The following PCDHA2 variants were observed in gnomAD, a reference collection of about 807,000 sequenced individuals.
PCDHA2 encodes the protein protocadherin alpha 2.
PCDHA2 carries 58 observed loss-of-function variants against 66.0 expected under a neutral mutation model. The observed-to-expected ratio is 0.88, with a 90% CI of 0.71 to 1.09. PCDHA2 has a LOEUF of 1.09. Ranked by LOEUF, PCDHA2 falls within the 50% of genes least tolerant of loss-of-function variation. PCDHA2 has a pLI of 0.00. For missense variants in PCDHA2, 1,267 were observed against 1,242.3 expected (o/e 1.02, Z -0.30); for synonymous variants, 634 against 554.0 (o/e 1.14, Z -2.03).
At chr5:140,803,189 T>G (rs1763140498) in intron 1 of PCDHA2, 3 of 1,613,804 alleles carry the variant, frequency 1.9e-6, no homozygotes, top group Admixed American at 1.7e-5. Flanking sequence ...CCACGGCCAC[T>G]GTGCTGGTGT....
At chr5:140,809,730 G>C in intron 1 of PCDHA2, 1 of 776,104 alleles carries the variant, frequency 1.3e-6, no homozygotes, top group Non-Finnish European at 2.0e-6. Context: ...TAGGACATCA[G>C]AGCAATATAT....
At chr5:140,956,156 T>C (rs1467785699) in intron 1 of PCDHA2, among the ~76,000 whole-genome samples, 1 of 152,204 alleles carries the variant, frequency 6.6e-6, no homozygotes, top group Non-Finnish European at 1.5e-5. Flanking sequence ...TCTTTCCTAA[T>C]TGCCATAGCC....
At chr5:140,915,273 A>C (rs2077054431) in intron 1 of PCDHA2, among the ~76,000 whole-genome samples, 1 of 152,090 alleles carries the variant, frequency 6.6e-6, no homozygotes, top group South Asian at 2.1e-4. Flanking sequence ...TGACCAGTTC[A>C]TCATTTACTC....
At chr5:140,997,251 G>T (rs1217959179) in intron 3 of PCDHA2, among the ~76,000 whole-genome samples, 2 of 152,060 alleles carry the variant, frequency 1.3e-5, no homozygotes, top group Non-Finnish European at 2.9e-5. Context: ...TTACTTTAGG[G>T]TTCACTCTTC....
Position 140,917,327 on chromosome 5 carries a change from G to A in PCDHA2, c.2389-61622G>A, listed in dbSNP as rs1219338384. ...TTACAATTTGGTGTTCATGTGGCGG[G>A]GGAGGGGGGGGATGGTGTAGGCTTC... On this transcript the variant is annotated intron_variant, in intron 1 of 3. Coordinates refer to ENST00000526136, the MANE Select transcript of PCDHA2 (RefSeq NM_018905.3). Among the ~76,000 whole-genome samples, 73 of 149,528 alleles carry A rather than the reference G, an allele frequency of 4.9e-4. 3 individuals carry two copies. Among genetic ancestry groups the A allele is most frequent in the African/African-American group, 1.3e-3 (54 of 40,384 alleles).
intron 1 of PCDHA2, among the ~76,000 whole-genome samples, chr5:140,798,936 C>T (rs988310121): frequency 1.3e-5 from 2 of 152,096 alleles, no homozygotes; most frequent in Non-Finnish European, 1.5e-5. Context: ...AAATAACTTC[C>T]ACTAGTGATC....
At chr5:140,903,614 T>C (rs1583498055) in intron 1 of PCDHA2, among the ~76,000 whole-genome samples, 1 of 152,204 alleles carries the variant, frequency 6.6e-6, no homozygotes, top group Non-Finnish European at 1.5e-5. Flanking sequence ...TACACATGAA[T>C]GTGCATGCAT....
intron 1 of PCDHA2, chr5:140,868,473 C>T (rs1740794532): frequency 6.6e-6 from 1 of 152,126 alleles, no homozygotes; most frequent in Non-Finnish European, 1.5e-5. Flanking sequence ...TTTTATAAAA[C>T]TTCAATTTTT....
chr5:140,984,164 A>G (rs1471799520), intron 3 of PCDHA2, among the ~76,000 whole-genome samples: 1 of 152,208 alleles, frequency 6.6e-6, no homozygotes, highest in Non-Finnish European at 1.5e-5. Context: ...GAACTTCCCA[A>G]AGAAGCCACG....
intron 3 of PCDHA2, among the ~76,000 whole-genome samples, chr5:140,984,938 G>A (rs1355399601): frequency 2.0e-5 from 3 of 151,924 alleles, no homozygotes; most frequent in Non-Finnish European, 2.9e-5. Flanking sequence ...GTTAATAAAT[G>A]TCTAATCTTT....
intron 1 of PCDHA2, among the ~76,000 whole-genome samples, chr5:140,873,728 T>A (rs1208346643): frequency 6.6e-6 from 1 of 152,190 alleles, no homozygotes; most frequent in African/African-American, 2.4e-5. Flanking sequence ...TGGCGCAATC[T>A]CAGCTCACTG....
At chr5:140,801,685 G>A (rs111499856) in intron 1 of PCDHA2, 5 of 1,614,202 alleles carry the variant, frequency 3.1e-6, no homozygotes, top group African/African-American at 1.3e-5. Context: ...GCAGATATCG[G>A]AACAAATTCG....
At chr5:140,821,593 C>T in intron 1 of PCDHA2, 2 of 678,042 alleles carry the variant, frequency 2.9e-6, no homozygotes, top group Non-Finnish European at 4.6e-6. Context: ...CCTTCCCAGC[C>T]TCAAAGGAAT....
chr5:140,946,377 T>C (rs1554217528), intron 1 of PCDHA2, among the ~76,000 whole-genome samples: 1 of 151,764 alleles, frequency 6.6e-6, no homozygotes, highest in African/African-American at 2.4e-5. Flanking sequence ...TTGCACACGG[T>C]TGGTAGGAAT....
intron 1 of PCDHA2, chr5:140,807,674 G>A (rs782061737): frequency 1.2e-6 from 2 of 1,614,206 alleles, no homozygotes; most frequent in South Asian, 2.2e-5. Context: ...TGCAGATATC[G>A]GGGAGAACGC....
chr5:140,969,586 C>A lies in PCDHA2; in HGVS notation c.2389-9363C>A. The A allele has an allele frequency of 3.4e-6, 3 of 894,952 alleles. No homozygotes were observed. In the Admixed American group the frequency reaches 9.0e-5, roughly 27 times the overall value. The allele number at this position is 894,952 out of a possible 1,614,324, so 55.4% of individuals were successfully genotyped here. A position where few individuals can be genotyped will look rare whatever the true frequency, so the allele number is the denominator to read the frequency against. ...AATTGTTTGAGAAGTGAGGATTAGT[C>A]TTAATATTTAATGCTAAAACACAGA... On this transcript the variant is annotated intron_variant, in intron 1 of 3. Transcript: ENST00000526136.
At chr5:140,950,065 G>A (rs1403260430) in intron 1 of PCDHA2, among the ~76,000 whole-genome samples, 1 of 151,574 alleles carries the variant, frequency 6.6e-6, no homozygotes, top group Non-Finnish European at 1.5e-5. Context: ...AGCTCTTCCT[G>A]TGCCATTGCT....
At chr5:140,830,170 G>C in intron 1 of PCDHA2, 1 of 1,613,606 alleles carries the variant, frequency 6.2e-7, no homozygotes, top group Non-Finnish European at 8.5e-7. Flanking sequence ...AGGCGGCGCT[G>C]GTGGATGTCA....
At chr5:140,881,042 G>A (rs2058565950) in intron 1 of PCDHA2, among the ~76,000 whole-genome samples, 1 of 152,208 alleles carries the variant, frequency 6.6e-6, no homozygotes, top group Non-Finnish European at 1.5e-5. Context: ...TTCCTATAGA[G>A]TTGTGCACAG....
Sources: allele counts gnomAD v4.1 joint callset (sites outside exome capture counted in the v4.1 genomes callset), GRCh38; gene constraint gnomAD v4.1.1; transcripts MANE v1.5; gene names NCBI Gene and HGNC (gene_info 2026-07-23, HGNC 2026-07-21).